The following KNTC1 variants were observed in gnomAD, a reference collection of about 807,000 sequenced individuals.
KNTC1 encodes the protein kinetochore associated 1, also known as kinetochore-associated protein 1.
A neutral mutation model predicts 314.4 loss-of-function variants in KNTC1; 253 were observed. The observed-to-expected ratio is 0.80, with a 90% CI of 0.73 to 0.89. The LOEUF (loss-of-function observed/expected upper bound fraction) is 0.89, where lower values mean the gene tolerates loss of function less well. Ranked by LOEUF, KNTC1 falls within the 40% of genes least tolerant of loss-of-function variation. The pLI is 0.00. For missense variants in KNTC1, 2,475 were observed against 2,572.9 expected (o/e 0.96, Z 0.82); for synonymous variants, 901 against 901.4 (o/e 1.00, Z 0.01).
At chr12:122,612,483 G>A (rs140001097) in intron 53 of KNTC1, among the ~76,000 whole-genome samples, 3 of 141,624 alleles carry the variant, frequency 2.1e-5, no homozygotes, top group East Asian at 2.2e-4. Context: ...GCAGTGGCGC[G>A]ATCTCAGCTC....
Position 122,585,685 on chromosome 12 carries a change from A to G in KNTC1, c.3584A>G (p.Asp1195Gly), listed in dbSNP as rs1869170183. The change falls in exon 37 of 64, where the codon GAC (aspartate) becomes GGC (glycine). Residue 1195 changes from aspartate to glycine, a missense_variant. By Grantham distance (94) the Asp-to-Gly change is moderately conservative (BLOSUM62 -1). Coordinates refer to ENST00000333479, the MANE Select transcript of KNTC1 (RefSeq NM_014708.6). The part of the protein sequence containing the change: ...KDPYEEWSYS[D>G]FFSEDGIVLE... ...CCATATGAAGAGTGGTCTTACAGTG[A>G]CTTCTTCAGTGAAGATGGAATTGTT... 1 of 1,613,226 alleles carries G rather than the reference A, an allele frequency of 6.2e-7. No homozygotes were observed. Among genetic ancestry groups the G allele is most frequent in the African/African-American group, 1.3e-5 (1 of 74,920 alleles).
At position 122,549,859 on chromosome 12, in the gene KNTC1, A is replaced by G. The variant is rs1963066816; in HGVS notation, c.1081A>G (p.Ser361Gly). The change falls in exon 13 of 64, where the codon AGC becomes GGC. Residue 361 changes from serine (S) to glycine (G), a missense_variant. Transcript: ENST00000333479. Reference sequence around the variant, plus strand: ...TTCTTCTCTGGTCCAAACAGGAATTAGCACAGTAAGTTTATTTGCATTTTA... The same window carrying G: ...TTCTTCTCTGGTCCAAACAGGAATTGGCACAGTAAGTTTATTTGCATTTTA... ...SVSSLVQTGI[S>G]TDTIYLLEGV... 1 of 1,510,872 alleles carries G rather than the reference A, an allele frequency of 6.6e-7. No homozygotes were observed. The highest frequency in any genetic ancestry group is 9.1e-7 in the Non-Finnish European group (1 of 1,098,132). The allele number at this position is 1,510,872 out of a possible 1,614,324, so 93.6% of individuals were successfully genotyped here.
intron 57 of KNTC1, among the ~76,000 whole-genome samples, chr12:122,618,051 A>G (rs1323226506): frequency 6.6e-6 from 1 of 152,198 alleles, no homozygotes; most frequent in African/African-American, 2.4e-5. Context: ...TCACCCAGGC[A>G]ACCTCCGCCT....
rs1315191457 is a variant in KNTC1, at chr12:122,621,962, T to G, written c.6361T>G (p.Ser2121Ala). 6.2e-7 allele frequency: 1 copy of G among 1,603,022 alleles called. No homozygotes were observed. The highest frequency in any genetic ancestry group is 1.7e-5 in the Admixed American group (1 of 58,876). ...GAACACGGGCCAGCTAGCAGGATTTTCACATCAAGTAAGAGGCGATTTCAT... is the reference window on the plus strand; with the variant it reads ...GAACACGGGCCAGCTAGCAGGATTTGCACATCAAGTAAGAGGCGATTTCAT... The part of the protein sequence containing the change: ...HMNTGQLAGF[S>A]HQIRSLILNN... The change falls in exon 61 of 64, where the codon TCA (serine) becomes GCA (alanine). Residue 2121 changes from serine (S) to alanine (A), a missense_variant. Transcript: ENST00000333479.
intron 44 of KNTC1, among the ~76,000 whole-genome samples, chr12:122,599,842 A>T (rs1220795095): frequency 6.6e-6 from 1 of 152,090 alleles, no homozygotes; most frequent in Non-Finnish European, 1.5e-5. Flanking sequence ...CATAGTAAGA[A>T]TTTGTCACTA....
rs11352437 is a variant in KNTC1, at chr12:122,589,471, GTT to G, written c.3999+670_3999+671del. On this transcript the variant is annotated intron_variant, in intron 40 of 63. Coordinates refer to ENST00000333479, the MANE Select transcript of KNTC1 (RefSeq NM_014708.6). ...CAGATTACTTCTTTAAAAAAATTGTGTTTTTTTTTTTTTTTTGGAGACAGGGT... is the reference window on the plus strand; with the variant it reads ...CAGATTACTTCTTTAAAAAAATTGTGTTTTTTTTTTTTTTGGAGACAGGGT... Among the ~76,000 whole-genome samples the G allele has an allele frequency of 8.8e-4, 112 of 126,772 alleles. 1 individual carries two copies. In the South Asian group the frequency reaches 0.012, roughly 14 times the overall value. The allele number at this position is 126,772 out of a possible 152,430, so 83.2% of individuals were successfully genotyped here.
At chr12:122,536,954 T>C (rs1427498654) in intron 3 of KNTC1, among the ~76,000 whole-genome samples, 1 of 152,256 alleles carries the variant, frequency 6.6e-6, no homozygotes, top group Non-Finnish European at 1.5e-5. Context: ...TTGTGTTTTA[T>C]GGAACCTTGA....
chr12:122,616,384 T>G (rs969659468), intron 57 of KNTC1, among the ~76,000 whole-genome samples: 9 of 152,064 alleles, frequency 5.9e-5, no homozygotes, highest in South Asian at 4.2e-4. Flanking sequence ...TGCCTCAGCC[T>G]CCTGAGTAGC....
In KNTC1 at chr12:122,621,979, C is replaced by T. The variant is rs760633996; in HGVS notation, c.6369+9C>T. The T allele has an allele frequency of 4.5e-6, 7 of 1,559,484 alleles. No individual in the cohort carries two copies. Among genetic ancestry groups the T allele is most frequent in the South Asian group, 1.2e-5 (1 of 86,826 alleles). On this transcript the variant is annotated intron_variant, in intron 61 of 63. Coordinates refer to ENST00000333479, the MANE Select transcript of KNTC1 (RefSeq NM_014708.6). ...CAGGATTTTCACATCAAGTAAGAGG[C>T]GATTTCATCTCCTTTTTGCTATGAA... is the stretch of plus-strand genomic sequence containing the variant.
chr12:122,535,769 T>G (rs1352984133), intron 3 of KNTC1, among the ~76,000 whole-genome samples: 1 of 151,816 alleles, frequency 6.6e-6, no homozygotes, highest in East Asian at 1.9e-4. Flanking sequence ...TGAGCCAAGA[T>G]TATGCCACTA....
rs543573563 is a variant in KNTC1 at position 122,614,475 on chromosome 12, G to C, written c.5878-516G>C. On this transcript the variant is annotated intron_variant, in intron 55 of 63. Coordinates refer to ENST00000333479, the MANE Select transcript of KNTC1 (RefSeq NM_014708.6). Reference sequence around the variant, plus strand: ...AAACTTTTTCAATAGAAGAAAGAAAGGGGGAGACATCCGAGGTGGTGTCTG... The same window carrying C: ...AAACTTTTTCAATAGAAGAAAGAAACGGGGAGACATCCGAGGTGGTGTCTG... 2.0e-5 allele frequency among the ~76,000 whole-genome samples: 3 copies of C among 152,280 alleles called. No homozygotes were observed. In the South Asian group the frequency reaches 6.2e-4, roughly 32 times the overall value.
rs7301589 is a variant in KNTC1 at position 122,618,469 on chromosome 12, G to T, written c.6086-13G>T. 569,973 of 1,581,078 alleles carry T rather than the reference G, an allele frequency of 0.36. 103,619 individuals are homozygous for T. The highest frequency in any genetic ancestry group is 0.69 in the African/African-American group (48,798 of 70,652). On this transcript the variant is annotated splice_polypyrimidine_tract_variant and intron_variant, in intron 58 of 63. Coordinates refer to ENST00000333479, the MANE Select transcript of KNTC1 (RefSeq NM_014708.6). ...GTGTGTATATCATGGTTGTTTTTTT[G>T]TTTTGTTTTCAGCCTCTTGTCCTTT...
Position 122,602,906 on chromosome 12 carries a change from G to GTT in KNTC1, c.4884+20_4884+21insTT. On this transcript the variant is annotated intron_variant, in intron 47 of 63. Coordinates refer to ENST00000333479, the MANE Select transcript of KNTC1 (RefSeq NM_014708.6). ...AATGAAGGTAATGGATTAAAACATT[G>GTT]TAAGACATTTCTGTATCCTGCAATT... The GTT allele has an allele frequency of 6.3e-7, 1 of 1,579,318 alleles. No individual in the cohort carries two copies. The highest frequency in any genetic ancestry group is 1.7e-4 in the Middle Eastern group (1 of 6,014).
intron 27 of KNTC1, 23 bp from the exon 28 acceptor site, chr12:122,575,520 G>C: frequency 6.5e-7 from 1 of 1,532,902 alleles, no homozygotes; most frequent in Non-Finnish European, 8.9e-7. Context: ...GCTGTTCCTT[G>C]TCCATGCGTG....
chr12:122,556,608 G>C (rs1052391381), intron 16 of KNTC1, among the ~76,000 whole-genome samples: 1 of 151,782 alleles, frequency 6.6e-6, no homozygotes, highest in Non-Finnish European at 1.5e-5. Flanking sequence ...AGGTAGCTGG[G>C]ATTACAGGCG....
chr12:122,603,195 G>T lies in KNTC1; in HGVS notation c.5053G>T (p.Glu1685Ter). The change falls in exon 48 of 64, where the codon GAG becomes TAG. Residue 1685 changes from glutamate (E) to a stop codon, truncating the protein, a stop_gained. Transcript: ENST00000333479. LOFTEE classifies it high-confidence loss of function. ...ESCLLSIVNP[E>*]WAVAIAISLA... is the part of the protein sequence containing the mutation. Reference sequence around the variant, plus strand: ...CTGCTTACTCTCTATAGTCAACCCAGAGTGGGCTGTAGCTATTGCCATCAG... The same window carrying T: ...CTGCTTACTCTCTATAGTCAACCCATAGTGGGCTGTAGCTATTGCCATCAG... The T allele has an allele frequency of 6.2e-7, 1 of 1,613,158 alleles. No homozygotes were observed. Among genetic ancestry groups the T allele is most frequent in the Non-Finnish European group, 8.5e-7 (1 of 1,179,724 alleles).
Position 122,584,426 on chromosome 12 carries a change from C to T in KNTC1, c.3412C>T (p.Gln1138Ter). Residue 1138 changes from glutamine to a stop codon, truncating the protein, a stop_gained, in exon 35 of 64, where the codon CAA becomes TAA. Coordinates refer to ENST00000333479, the MANE Select transcript of KNTC1 (RefSeq NM_014708.6). LOFTEE classifies it high-confidence loss of function. ...TTCCATGATACATGATCTAGCAAGC[C>T]AAGCTGCCACCATTTGCAGTCCAGG... is the stretch of plus-strand genomic sequence containing the variant. ...LPSMIHDLAS[Q>*]AATICSPDFL... 1 of 1,609,260 alleles carries T rather than the reference C, an allele frequency of 6.2e-7. No individual in the cohort carries two copies. The highest frequency in any genetic ancestry group is 8.5e-7 in the Non-Finnish European group (1 of 1,177,284).
chr12:122,591,265 G>T, intron 41 of KNTC1, 72 bp from the exon 42 acceptor site: 1 of 805,406 alleles, frequency 1.2e-6, no homozygotes, highest in Non-Finnish European at 2.2e-6. Flanking sequence ...TTATTGTTGC[G>T]TTTCGTCTAA....
intron 5 of KNTC1, among the ~76,000 whole-genome samples, chr12:122,540,615 A>G (rs1342981646): frequency 6.6e-6 from 1 of 151,910 alleles, no homozygotes; most frequent in East Asian, 1.9e-4. Context: ...CAGTTTTGAG[A>G]TTTCTATAGG....
Sources: allele counts gnomAD v4.1 joint callset (sites outside exome capture counted in the v4.1 genomes callset), GRCh38; gene constraint gnomAD v4.1.1; transcripts MANE v1.5; gene names NCBI Gene and HGNC (gene_info 2026-07-23, HGNC 2026-07-21).